The following SPTBN4 variants were observed in gnomAD, a reference collection of about 807,000 sequenced individuals.
SPTBN4 encodes spectrin beta chain, non-erythrocytic 4.
SPTBN4 carries 96 observed loss-of-function variants against 277.8 expected under a neutral mutation model. That is an observed-to-expected ratio of 0.35 (90% CI 0.29 to 0.41). The LOEUF is 0.41. Ranked by LOEUF, SPTBN4 falls within the 10% of genes least tolerant of loss-of-function variation. The probability of loss-of-function intolerance (pLI) is 1.00; values close to 1 mark genes in which losing one functional copy is unlikely to be tolerated. For synonymous variants in SPTBN4, 1,481 were observed against 1,580.3 expected (o/e 0.94, Z 1.49); for missense variants, 3,006 against 3,595.7 (o/e 0.84, Z 4.19).
At chr19:40,473,952 G>A (rs980115558) in intron 2 of SPTBN4, among the ~76,000 whole-genome samples, 4 of 150,766 alleles carry the variant, frequency 2.7e-5, no homozygotes, top group African/African-American at 9.8e-5. Context: ...GACCATGTTC[G>A]CCAACATAGT....
rs571834037 is a variant in SPTBN4 at position 40,497,409 on chromosome 19, A to G, written c.669-80A>G. The stretch of plus-strand genomic sequence containing the variant: ...CTGCCCATTGCCCTGGGCAGTGCTC[A>G]GACAAGGGTGGCTTCTTCCCTGCTT... On this transcript the variant is annotated intron_variant, in intron 6 of 35. Transcript: ENST00000598249. The G allele has an allele frequency of 2.1e-5, 22 of 1,031,650 alleles. No individual in the cohort carries two copies. In the South Asian group the frequency reaches 2.8e-4, roughly 13 times the overall value. The allele number at this position is 1,031,650 out of a possible 1,614,324, so 63.9% of individuals were successfully genotyped here. A position where few individuals can be genotyped will look rare whatever the true frequency, so the allele number is the denominator to read the frequency against.
intron 27 of SPTBN4, among the ~76,000 whole-genome samples, chr19:40,561,037 G>A (rs2081037583): frequency 6.6e-6 from 1 of 152,082 alleles, no homozygotes; most frequent in Non-Finnish European, 1.5e-5. Flanking sequence ...CTCTTGAGAT[G>A]GAGTCTTGCT....
chr19:40,470,763 G>C (rs1285717930), intron 1 of SPTBN4, among the ~76,000 whole-genome samples: 1 of 151,274 alleles, frequency 6.6e-6, no homozygotes, highest in South Asian at 2.1e-4. Context: ...CTCCTGAGTA[G>C]CTGAGATTAC....
intron 35 of SPTBN4, among the ~76,000 whole-genome samples, chr19:40,572,958 C>T (rs1009313529): frequency 2.0e-4 from 30 of 151,660 alleles, no homozygotes; most frequent in African/African-American, 6.1e-4. Flanking sequence ...AGACTTCCTT[C>T]GAAAATAAAA....
At chr19:40,566,857 C>T (rs546786636) in intron 30 of SPTBN4, among the ~76,000 whole-genome samples, 5 of 151,652 alleles carry the variant, frequency 3.3e-5, no homozygotes, top group East Asian at 1.9e-4. Flanking sequence ...CCCAGCTACT[C>T]GGGAGGCTGA....
intron 20 of SPTBN4, 41 bp downstream of exon 20, chr19:40,534,384 A>T (rs774199332): frequency 6.3e-7 from 1 of 1,598,670 alleles, no homozygotes; most frequent in South Asian, 1.1e-5. Flanking sequence ...CCTATGCCAC[A>T]TGGGGGCCAG....
intron 13 of SPTBN4, among the ~76,000 whole-genome samples, chr19:40,507,837 AAAAC>A (rs781761626): frequency 2.0e-5 from 3 of 152,216 alleles, no homozygotes; most frequent in Admixed American, 6.5e-5. Context: ...ACTCCTTCTC[AAAAC>A]AAAAACAAAA....
chr19:40,511,054 A>G (rs796661086), intron 13 of SPTBN4, among the ~76,000 whole-genome samples: 21 of 152,006 alleles, frequency 1.4e-4, no homozygotes, highest in African/African-American at 4.8e-4. Context: ...CACTTACCTC[A>G]TGACTCACAG....
chr19:40,541,073 AGT>A (rs2080796528), intron 20 of SPTBN4, among the ~76,000 whole-genome samples: 1 of 152,016 alleles, frequency 6.6e-6, no homozygotes, highest in African/African-American at 2.4e-5. Context: ...ATCTCACTGC[AGT>A]GTGTGTATTT....
chr19:40,530,445 C>G (rs1318154082), intron 18 of SPTBN4: 1 of 949,272 alleles, frequency 1.1e-6, no homozygotes, highest in Non-Finnish European at 1.2e-6. Context: ...CGGGCGGGCG[C>G]GCGGCCGCCG....
intron 26 of SPTBN4, among the ~76,000 whole-genome samples, chr19:40,558,947 T>TATTATGATGATGATGATG (rs1026792401): frequency 8.9e-5 from 13 of 146,140 alleles, no homozygotes; most frequent in African/African-American, 3.1e-4. Context: ...TTATTATTAT[T>TATTATGATGATGATGATG]ATGAGGCAGA....
rs1210447607 is a variant in SPTBN4, at chr19:40,487,748, A to G, written c.221A>G (p.His74Arg). Residue 74 changes from histidine to arginine, a missense_variant, in exon 3 of 36, where the codon CAC becomes CGC. By Grantham distance (29) the His-to-Arg change is conservative. Coordinates refer to ENST00000598249, the MANE Select transcript of SPTBN4 (RefSeq NM_020971.3). Reference protein sequence around the residue: ...KKTFTKWVNSHLARVGCHIGD... With the variant: ...KKTFTKWVNSRLARVGCHIGD... ...ACCTTCACCAAGTGGGTGAACTCGC[A>G]CCTCGCCCGCGTGGGCTGCCACATC... 14 of 1,613,040 alleles carry G rather than the reference A, an allele frequency of 8.7e-6. No homozygotes were observed. Among genetic ancestry groups the G allele is most frequent in the Non-Finnish European group, 1.2e-5 (14 of 1,179,730 alleles).
intron 13 of SPTBN4, among the ~76,000 whole-genome samples, chr19:40,511,788 G>T (rs760224131): frequency 6.6e-6 from 1 of 152,120 alleles, no homozygotes; most frequent in Non-Finnish European, 1.5e-5. Flanking sequence ...GATAGATAAT[G>T]CAACAGAGGA....
Position 40,557,386 on chromosome 19 carries a change from C to G in SPTBN4, c.5653C>G (p.Gln1885Glu), listed in dbSNP as rs765387943. The change falls in exon 26 of 36, where the codon CAG (glutamine) becomes GAG (glutamate). Residue 1885 changes from glutamine to glutamate, a missense_variant. Gln to Glu is a conservative substitution (Grantham distance 29, BLOSUM62 2). Around this residue, in one of 5 missense-constraint regions of SPTBN4, gnomAD observed 425 missense variants for 594.7 expected, o/e 0.71. Transcript: ENST00000598249. ...CCTGAGAGCCTTTGAGCATGACCTG[C>G]AGCTCCTCGTGTCCCAGGTGGGGCG... ...RTLRAFEHDL[Q>E]LLVSQVRQLQ... 3.2e-6 allele frequency: 5 copies of G among 1,572,270 alleles called. No individual in the cohort carries two copies. In the Admixed American group the frequency reaches 5.4e-5, roughly 17 times the overall value.
At chr19:40,498,494 C>G (rs2080227658) in intron 7 of SPTBN4, among the ~76,000 whole-genome samples, 3 of 151,346 alleles carry the variant, frequency 2.0e-5, no homozygotes, top group African/African-American at 7.3e-5. Context: ...CAAGCTCCAC[C>G]TCCTGGGTTC....
Position 40,572,015 on chromosome 19 carries a change from C to T in SPTBN4, c.7320-4C>T, listed in dbSNP as rs746932232. The T allele has an allele frequency of 5.2e-6, 8 of 1,536,682 alleles. No individual in the cohort carries two copies. The South Asian group carries it at 8.7e-5, about 17-fold the overall frequency. ...CTGCCTTGAGCCCCATCTTGTCGCT[C>T]CAGGTCGTGGGTGAGCCTGTACTGT... On this transcript the variant is annotated splice_polypyrimidine_tract_variant and splice_region_variant and intron_variant, in intron 33 of 35. Coordinates refer to ENST00000598249, the MANE Select transcript of SPTBN4 (RefSeq NM_020971.3).
chr19:40,543,941 T>C (rs551764081), intron 20 of SPTBN4, among the ~76,000 whole-genome samples: 5 of 152,306 alleles, frequency 3.3e-5, no homozygotes, highest in Admixed American at 6.5e-5. Context: ...TCAAAACCTC[T>C]AGGGAAATCC....
At position 40,506,165 on chromosome 19, in the gene SPTBN4, T is replaced by C. The variant is rs778771490; in HGVS notation, c.1666-71T>C. On this transcript the variant is annotated intron_variant, in intron 12 of 35. Transcript: ENST00000598249. The stretch of plus-strand genomic sequence containing the variant: ...TGGTGCAGAGTAGCAGGGGCTGGCA[T>C]AGGCAATGGGGGAGAGGTGAGTGGC... The C allele has an allele frequency of 4.0e-5, 62 of 1,534,592 alleles. 1 individual carries two copies. Among genetic ancestry groups the C allele is most frequent in the Non-Finnish European group, 5.2e-5 (59 of 1,136,924 alleles).
At position 40,494,998 on chromosome 19, in the gene SPTBN4, G is replaced by A. The variant is rs781085578; in HGVS notation, c.668+21G>A. 1.9e-6 allele frequency: 3 copies of A among 1,610,728 alleles called. No homozygotes were observed. The African/African-American group carries it at 4.0e-5, about 22-fold the overall frequency. The stretch of plus-strand genomic sequence containing the variant: ...CACAGGTACCACCTGGCCTGGGACA[G>A]CCCAGTCCTGCCCTTCAGCCCCCCA... On this transcript the variant is annotated intron_variant, in intron 6 of 35. Transcript: ENST00000598249.
Sources: gnomAD v4.1 joint callset for allele counts (sites outside exome capture counted in the v4.1 genomes callset) on GRCh38, gnomAD v4.1.1 for gene constraint, gnomAD v4.1.1 regional missense constraint, MANE v1.5 for transcripts, NCBI Gene and HGNC (gene_info 2026-07-23, HGNC 2026-07-21) for gene names.